ASPSCR1: variants seen among roughly 807,000 people sequenced by gnomAD.
ASPSCR1 encodes ASPSCR1 tether for SLC2A4, UBX domain containing.
In ASPSCR1, 55 loss-of-function variants were observed where a neutral mutation model predicts 68.9. The ratio of observed to expected loss-of-function variants is 0.80; its 90% CI spans 0.64 to 1.00. ASPSCR1 has a LOEUF of 1.00. Ranked by LOEUF, ASPSCR1 falls within the 50% of genes least tolerant of loss-of-function variation. The probability of loss-of-function intolerance (pLI) is 0.00; values close to 1 mark genes in which losing one functional copy is unlikely to be tolerated. For synonymous variants in ASPSCR1, 352 were observed against 332.6 expected (o/e 1.06, Z -0.63); for missense variants, 765 against 762.2 (o/e 1.00, Z -0.04).
intron 7 of ASPSCR1, 79 bp downstream of exon 7, chr17:81,996,925 G>T (rs2042364732): frequency 6.6e-7 from 1 of 1,512,948 alleles, no homozygotes; most frequent in Non-Finnish European, 8.8e-7. Context: ...TAGCTGGTCA[G>T]CCTGGTGGCG....
In ASPSCR1 at chr17:82,009,203, C is replaced by T. The variant is rs1441145752; in HGVS notation, c.1088+12C>T. 2 of 1,593,710 alleles carry T rather than the reference C, an allele frequency of 1.3e-6. No homozygotes were observed. The highest frequency in any genetic ancestry group is 2.3e-5 in the East Asian group (1 of 44,256). On this transcript the variant is annotated intron_variant, in intron 8 of 15. Transcript: ENST00000306739. ...CTCAAGAGTGAGCGGTGGGTGCCCC[C>T]TCAGTGCCTCCCGGCATCTTCGCGC...
At chr17:81,985,048 C>T (rs372171143) in intron 3 of ASPSCR1, among the ~76,000 whole-genome samples, 219 of 135,008 alleles carry the variant, frequency 1.6e-3, no homozygotes, top group African/African-American at 6.6e-3. Flanking sequence ...CACCTCCCCC[C>T]CACACACACC....
rs532750385 is a variant in ASPSCR1 at position 81,983,676 on chromosome 17, G to A, written c.273+8G>A. 131 of 1,600,500 alleles carry A rather than the reference G, an allele frequency of 8.2e-5. No individual in the cohort carries two copies. Among genetic ancestry groups the A allele is most frequent in the Admixed American group, 8.5e-5 (5 of 58,872 alleles). ...GAGGGGCCTGAGAACATGGTGGGTC[G>A]TGCTCTGGGGGAGGCTGACTGTGTG... On this transcript the variant is annotated splice_region_variant and intron_variant, in intron 3 of 15. Transcript: ENST00000306739. The surrounding 1 kb of genome is among the most constrained non-coding windows in gnomAD (Gnocchi z 4.4).
At position 82,010,843 on chromosome 17, in the gene ASPSCR1, G is replaced by A. The variant is rs2042912884; in HGVS notation, c.1212G>A (p.Gln404=). The A allele has an allele frequency of 1.2e-6, 2 of 1,613,048 alleles. No individual in the cohort carries two copies. The highest frequency in any genetic ancestry group is 4.5e-5 in the East Asian group (2 of 44,872). The change falls in exon 10 of 16, where the codon CAG becomes CAA. Residue 404 remains glutamine, a synonymous_variant. Coordinates refer to ENST00000306739, the MANE Select transcript of ASPSCR1 (RefSeq NM_024083.4). The part of the protein sequence containing the change: ...RVLFPDRYVL[Q]GFFRPSETVG... ...TGTTCCCCGACCGCTACGTCCTACA[G>A]GGCTTCTTCCGCCCCAGCGAGACAG...
At chr17:81,988,048 C>T (rs2042051820) in intron 4 of ASPSCR1, among the ~76,000 whole-genome samples, 2 of 149,750 alleles carry the variant, frequency 1.3e-5, no homozygotes, top group South Asian at 4.2e-4. Flanking sequence ...GTCCCAGCTA[C>T]TCAGGAGGCT....
At chr17:81,995,130 T>G in intron 5 of ASPSCR1, 2 of 518,884 alleles carry the variant, frequency 3.9e-6, no homozygotes, top group Non-Finnish European at 6.8e-6. Flanking sequence ...TGGTTTCATT[T>G]AATAAATATT....
chr17:82,015,306 G>A (rs1241786674), intron 12 of ASPSCR1: 4 of 1,598,082 alleles, frequency 2.5e-6, no homozygotes, highest in Non-Finnish European at 3.4e-6. Context: ...TCCGAGCAGT[G>A]GCGATCCCTC....
rs550504456 is a variant in ASPSCR1, at chr17:81,984,199, A to G, written c.273+531A>G. Among the ~76,000 whole-genome samples, 3 of 152,282 alleles carry G rather than the reference A, an allele frequency of 2.0e-5. No homozygotes were observed. The South Asian group carries it at 6.2e-4, about 32-fold the overall frequency. On this transcript the variant is annotated intron_variant, in intron 3 of 15. Coordinates refer to ENST00000306739, the MANE Select transcript of ASPSCR1 (RefSeq NM_024083.4). ...GAAGTTTTTCTTTCTTTCTGGGGTC[A>G]GTTGTGCCTTCCCTGGCTCAGGGTG...
At chr17:81,979,751 G>A (rs1277372717) in intron 2 of ASPSCR1, among the ~76,000 whole-genome samples, 1 of 152,108 alleles carries the variant, frequency 6.6e-6, no homozygotes, top group Admixed American at 6.5e-5. Context: ...AGAGCTGGCC[G>A]TGGAGAAATA....
Position 82,009,490 on chromosome 17 carries a change from C to A in ASPSCR1, c.1093C>A (p.Arg365Ser). ...RLAQLKSERK[R>S]LEEAPLVTKA... ...TCCTTCCCCTCCTCACCACAGGAAG[C>A]GCCTGGAAGAAGCCCCCTTGGTGAC... is the stretch of plus-strand genomic sequence containing the variant. The change falls in exon 9 of 16, where the codon CGC becomes AGC. Residue 365 changes from arginine (R) to serine (S), a missense_variant. Transcript: ENST00000306739. 6.3e-7 allele frequency: 1 copy of A among 1,577,728 alleles called. No individual in the cohort carries two copies. The highest frequency in any genetic ancestry group is 1.8e-5 in the Admixed American group (1 of 55,598).
rs765812603 is a variant in ASPSCR1, at chr17:82,009,226, C to T, written c.1088+35C>T. 5.0e-5 allele frequency: 78 copies of T among 1,564,830 alleles called. 1 individual carries two copies. The Middle Eastern group carries it at 5.1e-4, about 10-fold the overall frequency. On this transcript the variant is annotated intron_variant, in intron 8 of 15. Transcript: ENST00000306739. ...CCCTCAGTGCCTCCCGGCATCTTCG[C>T]GCCAGGGTTTGCCCCATCGGGTGCT...
Position 82,017,021 on chromosome 17 carries a change from A to G in ASPSCR1, c.1556A>G (p.Glu519Gly), listed in dbSNP as rs758490638. ...CCTAAGTCTGAGCCAGCTGCTGAGG[A>G]GGGGGCGCTGGTCCCCCCTGAGCCC... ...PAPKSEPAAEEGALVPPEPIP... is the reference protein window; with the variant it reads ...PAPKSEPAAEGGALVPPEPIP... The change falls in exon 15 of 16, where the codon GAG (glutamate) becomes GGG (glycine). Residue 519 changes from glutamate to glycine, a missense_variant. Physicochemically the swap from Glu to Gly is moderately conservative, Grantham distance 98. Transcript: ENST00000306739. 1.2e-6 allele frequency: 2 copies of G among 1,612,222 alleles called. No individual in the cohort carries two copies. Among genetic ancestry groups the G allele is most frequent in the African/African-American group, 1.3e-5 (1 of 74,864 alleles).
Position 81,990,197 on chromosome 17 carries a change from A to G in ASPSCR1, c.374+4590A>G, listed in dbSNP as rs905269175. On this transcript the variant is annotated intron_variant, in intron 4 of 15. Transcript: ENST00000306739. This position sits in a 1 kb window ranked among gnomAD's most constrained non-coding sequence, Gnocchi z 4.1. ...ACGACTTCCTGGACACGTAGTCAGT[A>G]GAAAAGTGAGCCGTCTCATGCTCTT... Among the ~76,000 whole-genome samples the G allele has an allele frequency of 6.6e-6, 1 of 152,252 alleles. No homozygotes were observed. The highest frequency in any genetic ancestry group is 1.5e-5 in the Non-Finnish European group (1 of 68,040).
intron 7 of ASPSCR1, among the ~76,000 whole-genome samples, chr17:82,001,696 G>A (rs2042536690): frequency 6.6e-6 from 1 of 152,204 alleles, no homozygotes; most frequent in South Asian, 2.1e-4. Flanking sequence ...GGCCCCTTCT[G>A]GCCTGGACTC....
intron 7 of ASPSCR1, among the ~76,000 whole-genome samples, chr17:82,000,602 C>T (rs1356160403): frequency 2.6e-5 from 4 of 152,196 alleles, no homozygotes; most frequent in Admixed American, 2.0e-4. Context: ...TTCCAAGTTT[C>T]CCATTAATGT....
chr17:82,010,562 T>C (rs1198485830), intron 9 of ASPSCR1, among the ~76,000 whole-genome samples: 1 of 151,164 alleles, frequency 6.6e-6, no homozygotes, highest in Non-Finnish European at 1.5e-5. Flanking sequence ...ACCAGCACAT[T>C]TGAACCCAGG....
intron 7 of ASPSCR1, among the ~76,000 whole-genome samples, chr17:82,003,776 G>A (rs1418940341): frequency 6.6e-6 from 1 of 152,248 alleles, no homozygotes; most frequent in African/African-American, 2.4e-5. Context: ...CCACGCCCTG[G>A]CACAGCCTCT....
intron 2 of ASPSCR1, among the ~76,000 whole-genome samples, chr17:81,979,587 A>G (rs1457396212): frequency 1.3e-5 from 2 of 152,222 alleles, no homozygotes; most frequent in Non-Finnish European, 2.9e-5. Context: ...ACGATTTATC[A>G]TTACATCTTC....
chr17:82,013,921 G>A (rs2043036463), intron 12 of ASPSCR1: 1 of 152,274 alleles, frequency 6.6e-6, no homozygotes, highest in Non-Finnish European at 1.5e-5. Context: ...GCGTCCTCAG[G>A]TCATGAGGAA....
Sources: gnomAD v4.1 joint callset for allele counts (sites outside exome capture counted in the v4.1 genomes callset) on GRCh38, gnomAD v4.1.1 for gene constraint, Gnocchi (gnomAD v3.1) non-coding constraint, MANE v1.5 for transcripts, NCBI Gene and HGNC (gene_info 2026-07-23, HGNC 2026-07-21) for gene names.